The following SHISA6 variants were observed in gnomAD, a reference collection of about 807,000 sequenced individuals.
SHISA6 encodes the protein shisa family member 6, also known as protein shisa-6.
SHISA6 carries 22 observed loss-of-function variants against 47.9 expected under a neutral mutation model. The observed-to-expected ratio is 0.46, with a 90% CI of 0.33 to 0.66. The LOEUF is 0.66. Among genes scored for constraint, SHISA6 ranks in the 30% least tolerant of loss-of-function variants. The pLI is 0.02. For missense variants in SHISA6, 680 were observed against 764.6 expected (o/e 0.89, Z 1.30); for synonymous variants, 388 against 337.8 (o/e 1.15, Z -1.63).
intron 3 of SHISA6, among the ~76,000 whole-genome samples, chr17:11,422,446 C>T (rs115438496): frequency 0.032 from 4,809 of 152,232 alleles, 179 homozygotes; most frequent in African/African-American, 0.078. Context: ...AGACATTCCC[C>T]CTGTACCTAC....
At chr17:11,350,178 A>ATTTTTTTTTTTTTTTTTTT (rs199879665) in intron 2 of SHISA6, among the ~76,000 whole-genome samples, 2 of 101,146 alleles carry the variant, frequency 2.0e-5, no homozygotes, top group African/African-American at 7.8e-5. Context: ...TTATTTATTT[A>ATTTTTTTTTTTTTTTTTTT]TTTATTTTTT....
chr17:11,520,819 A>T (rs1175699963), intron 3 of SHISA6, among the ~76,000 whole-genome samples: 2 of 152,138 alleles, frequency 1.3e-5, no homozygotes, highest in Non-Finnish European at 2.9e-5. Context: ...TCCTGTTTTT[A>T]TCTGTTCCTT....
intron 3 of SHISA6, among the ~76,000 whole-genome samples, chr17:11,522,255 A>G (rs1197680163): frequency 6.6e-6 from 1 of 151,786 alleles, no homozygotes; most frequent in Non-Finnish European, 1.5e-5. Flanking sequence ...GTGAGTCACC[A>G]TGCCTGGCCC....
chr17:11,471,150 A>C (rs1193082171), intron 3 of SHISA6, among the ~76,000 whole-genome samples: 1 of 147,634 alleles, frequency 6.8e-6, no homozygotes, highest in Non-Finnish European at 1.5e-5. Context: ...CGGAGGTTGC[A>C]GTGAGCCAAG....
intron 3 of SHISA6, among the ~76,000 whole-genome samples, chr17:11,428,390 A>G (rs1438633897): frequency 2.6e-5 from 4 of 152,204 alleles, no homozygotes; most frequent in African/African-American, 9.6e-5. Context: ...TACGTCCTGA[A>G]AAGGCCCACT....
At chr17:11,511,496 C>A in intron 3 of SHISA6, among the ~76,000 whole-genome samples, 1 of 150,870 alleles carries the variant, frequency 6.6e-6, no homozygotes, top group Admixed American at 6.6e-5. Context: ...CTTTAAGCTT[C>A]CCCCCACAAA....
chr17:11,542,518 G>A (rs116269470), intron 3 of SHISA6, among the ~76,000 whole-genome samples: 28 of 151,942 alleles, frequency 1.8e-4, no homozygotes, highest in African/African-American at 6.3e-4. Flanking sequence ...TTAGGACATA[G>A]CTCATTTGAG....
intron 2 of SHISA6, among the ~76,000 whole-genome samples, chr17:11,301,987 C>T (rs141072048): frequency 1.3e-5 from 2 of 152,254 alleles, no homozygotes; most frequent in East Asian, 3.9e-4. Flanking sequence ...ATGGCGGCGG[C>T]AAGAGAAAAT....
In SHISA6 at chr17:11,536,872, A is replaced by G. The variant is rs931649984; in HGVS notation, c.896-15024A>G. ...GAGGATTAGTCACCTGGAGCTGAGC[A>G]GGGTATGGTAAATGTGTCTTTTGTA... On this transcript the variant is annotated intron_variant, in intron 3 of 5. Coordinates refer to ENST00000441885, the MANE Select transcript of SHISA6 (RefSeq NM_207386.4). Among the ~76,000 whole-genome samples the G allele has an allele frequency of 9.2e-5, 14 of 152,270 alleles. 1 individual carries two copies. Among genetic ancestry groups the G allele is most frequent in the East Asian group, 1.9e-4 (1 of 5,168 alleles).
At chr17:11,447,004 C>T (rs2142302016) in intron 3 of SHISA6, among the ~76,000 whole-genome samples, 1 of 152,266 alleles carries the variant, frequency 6.6e-6, no homozygotes, top group East Asian at 1.9e-4. Flanking sequence ...CTGTGGTTTT[C>T]CTCCTATCTA....
At chr17:11,322,732 T>G (rs902107156) in intron 2 of SHISA6, among the ~76,000 whole-genome samples, 2 of 152,214 alleles carry the variant, frequency 1.3e-5, no homozygotes, top group Non-Finnish European at 2.9e-5. Flanking sequence ...ATACATGGGT[T>G]GATCTGAATG....
chr17:11,253,821 G>A (rs1352481486), intron 1 of SHISA6, among the ~76,000 whole-genome samples: 1 of 151,994 alleles, frequency 6.6e-6, no homozygotes, highest in Non-Finnish European at 1.5e-5. Flanking sequence ...CCACATCCTT[G>A]TGCTCGCTTT....
intron 2 of SHISA6, among the ~76,000 whole-genome samples, chr17:11,333,487 GTTC>G (rs759611473): frequency 5.9e-5 from 9 of 152,060 alleles, no homozygotes; most frequent in East Asian, 3.9e-4. Flanking sequence ...AAAACTCTAT[GTTC>G]TTCTTCTTCT....
intron 3 of SHISA6, among the ~76,000 whole-genome samples, chr17:11,547,708 AAAT>A (rs1486135009): frequency 6.6e-6 from 1 of 152,224 alleles, no homozygotes; most frequent in Admixed American, 6.5e-5. Context: ...CAAAAGTGTA[AAAT>A]AATGATGGGA....
intron 3 of SHISA6, among the ~76,000 whole-genome samples, chr17:11,387,626 G>A (rs1473597770): frequency 2.6e-5 from 4 of 152,194 alleles, no homozygotes; most frequent in Non-Finnish European, 5.9e-5. Context: ...AGGACAAGGG[G>A]AAGCAAGGAT....
intron 3 of SHISA6, among the ~76,000 whole-genome samples, chr17:11,425,566 G>T (rs1160011639): frequency 6.6e-6 from 1 of 152,126 alleles, no homozygotes; most frequent in Non-Finnish European, 1.5e-5. Context: ...TTGGCTTCAA[G>T]TGACAGAGAA....
At chr17:11,437,880 A>G (rs1348959486) in intron 3 of SHISA6, among the ~76,000 whole-genome samples, 1 of 152,112 alleles carries the variant, frequency 6.6e-6, no homozygotes, top group Admixed American at 6.5e-5. Context: ...TCTCTTCGAC[A>G]TTGGGGCTGC....
rs190686478 is a variant in SHISA6 at position 11,530,498 on chromosome 17, G to A, written c.896-21398G>A. 1.9e-4 allele frequency among the ~76,000 whole-genome samples: 29 copies of A among 152,212 alleles called. No individual in the cohort carries two copies. The East Asian group carries it at 5.4e-3, about 28-fold the overall frequency. ...TTCTGGTTTTTCAACAATTATACAT[G>A]TTAACTATAGAGTTTTTAGACATTA... On this transcript the variant is annotated intron_variant, in intron 3 of 5. Coordinates refer to ENST00000441885, the MANE Select transcript of SHISA6 (RefSeq NM_207386.4).
chr17:11,306,808 T>C (rs1450703893), intron 2 of SHISA6, among the ~76,000 whole-genome samples: 2 of 152,192 alleles, frequency 1.3e-5, no homozygotes, highest in Non-Finnish European at 2.9e-5. Flanking sequence ...TTCCTAGACA[T>C]CGCTCTTAAA....
Sources: allele counts gnomAD v4.1 joint callset (sites outside exome capture counted in the v4.1 genomes callset), GRCh38; gene constraint gnomAD v4.1.1; transcripts MANE v1.5; gene names NCBI Gene and HGNC (gene_info 2026-07-23, HGNC 2026-07-21).